MARCHF7: variants seen among roughly 807,000 people sequenced by gnomAD.
MARCHF7 encodes E3 ubiquitin-protein ligase MARCHF7.
MARCHF7 carries 20 observed loss-of-function variants against 76.5 expected under a neutral mutation model. That is an observed-to-expected ratio of 0.26 (90% CI 0.18 to 0.38). The LOEUF (loss-of-function observed/expected upper bound fraction) is 0.38, where lower values mean the gene tolerates loss of function less well. Ranked by LOEUF, MARCHF7 falls within the 10% of genes least tolerant of loss-of-function variation. MARCHF7 has a pLI of 1.00. For synonymous variants in MARCHF7, 295 were observed against 293.0 expected, an observed-to-expected ratio of 1.01 and a Z score of -0.07; for missense variants, 797 against 812.9, an observed-to-expected ratio of 0.98 and a Z score of 0.24.
At chr2:159,732,180 A>T (rs1168119098) in intron 4 of MARCHF7, among the ~76,000 whole-genome samples, 8 of 152,192 alleles carry the variant, frequency 5.3e-5, no homozygotes, top group Admixed American at 5.2e-4. Flanking sequence ...CACCTAAATG[A>T]TGGTTGTAGT....
At chr2:159,716,643 C>CAA (rs11367285) in intron 3 of MARCHF7, among the ~76,000 whole-genome samples, 1 of 147,644 alleles carries the variant, frequency 6.8e-6, no homozygotes. Context: ...ACCCTGTCTC[C>CAA]AAAAAAAAAA....
At chr2:159,722,173 G>A (rs1185968156) in intron 3 of MARCHF7, among the ~76,000 whole-genome samples, 1 of 151,780 alleles carries the variant, frequency 6.6e-6, no homozygotes, top group African/African-American at 2.4e-5. Flanking sequence ...GTCTTTCTCT[G>A]TTGCCCAGGC....
chr2:159,765,143 A>T (rs537765751), intron 11 of MARCHF7, among the ~76,000 whole-genome samples: 2 of 152,032 alleles, frequency 1.3e-5, no homozygotes, highest in African/African-American at 4.8e-5. Context: ...TTCTGAATCC[A>T]TATCAGAAGC....
rs1297354829 is a variant in MARCHF7 at position 159,770,846 on chromosome 2, TTGATAAGTGATACG to T, written c.*3508_*3521del. On this transcript the variant is annotated 3_prime_UTR_variant, in exon 12 of 12. Coordinates refer to ENST00000409175, the MANE Select transcript of MARCHF7 (RefSeq NM_001282805.2). Reference sequence around the variant, plus strand: ...ATGCATTTCTTAGAACGTATCCCCATTGATAAGTGATACGTGACTAATTTACGTGAAATTTATAC... The same window carrying T: ...ATGCATTTCTTAGAACGTATCCCCATTGACTAATTTACGTGAAATTTATAC... The T allele has an allele frequency of 6.6e-6, 1 of 152,134 alleles. No homozygotes were observed. The highest frequency in any genetic ancestry group is 1.5e-5 in the Non-Finnish European group (1 of 67,964). 9.4% of individuals were successfully genotyped at this position (152,134 alleles called of 1,614,324 possible). A position where few individuals can be genotyped will look rare whatever the true frequency, so the allele number is the denominator to read the frequency against.
At chr2:159,766,438 A>G (rs772832419) in intron 11 of MARCHF7, among the ~76,000 whole-genome samples, 3 of 152,202 alleles carry the variant, frequency 2.0e-5, no homozygotes, top group Non-Finnish European at 4.4e-5. Flanking sequence ...ATGTAAATAT[A>G]AAAAGAGAGG....
chr2:159,749,274 A>G (rs893644401), intron 7 of MARCHF7, among the ~76,000 whole-genome samples: 1 of 151,992 alleles, frequency 6.6e-6, no homozygotes, highest in Non-Finnish European at 1.5e-5. Context: ...CACTGTGCCC[A>G]GCCTAAAACT....
rs375026010 is a variant in MARCHF7, at chr2:159,748,523, G to A, written c.1233G>A (p.Arg411=). The part of the protein sequence containing the change: ...RRREGRDESS[R]IPTSDTSSRS... ...GAGAGGGAAGAGATGAATCTTCAAG[G>A]ATACCTACCTCTGATACATCATCTA... is the stretch of plus-strand genomic sequence containing the variant. The change falls in exon 7 of 12, where the codon AGG becomes AGA. Residue 411 remains arginine, a synonymous_variant. Transcript: ENST00000409175. 3 of 1,614,082 alleles carry A rather than the reference G, an allele frequency of 1.9e-6. No homozygotes were observed. The highest frequency in any genetic ancestry group is 2.5e-6 in the Non-Finnish European group (3 of 1,179,994).
Position 159,748,757 on chromosome 2 carries a change from T to C in MARCHF7, c.1467T>C (p.Pro489=), listed in dbSNP as rs1365803. 1,474,050 of 1,614,046 alleles carry C rather than the reference T, an allele frequency of 0.91. 674,078 individuals carry two copies. Among genetic ancestry groups the C allele is most frequent in the African/African-American group, 0.97 (72,404 of 75,010 alleles). ...LPGSLFRFAV[P]PALGSNLTDN... ...GTTCCTTATTCCGGTTTGCAGTCCC[T>C]CCAGCACTTGGGAGTAATTTGACCG... Residue 489 remains proline, a synonymous_variant, in exon 7 of 12, where the codon CCT becomes CCC. Coordinates refer to ENST00000409175, the MANE Select transcript of MARCHF7 (RefSeq NM_001282805.2).
Position 159,759,684 on chromosome 2 carries a change from T to G in MARCHF7, c.1893+349T>G, listed in dbSNP as rs1401312354. Among the ~76,000 whole-genome samples, 5 of 152,130 alleles carry G rather than the reference T, an allele frequency of 3.3e-5. No homozygotes were observed. In the East Asian group the frequency reaches 9.6e-4, roughly 29 times the overall value. ...GAAAATTCGGGAGGTGGGGCAGATGTGTATTTAAGGAGATTACAAGGGTGA... is the reference window on the plus strand; with the variant it reads ...GAAAATTCGGGAGGTGGGGCAGATGGGTATTTAAGGAGATTACAAGGGTGA... On this transcript the variant is annotated intron_variant, in intron 9 of 11. Coordinates refer to ENST00000409175, the MANE Select transcript of MARCHF7 (RefSeq NM_001282805.2).
intron 5 of MARCHF7, among the ~76,000 whole-genome samples, chr2:159,744,132 C>T (rs1246647450): frequency 6.0e-5 from 9 of 149,910 alleles, no homozygotes; most frequent in South Asian, 2.1e-4. Context: ...GGACTACAGG[C>T]GCCCGCCACT....
Position 159,743,053 on chromosome 2 carries a change from A to G in MARCHF7, c.154-8A>G. On this transcript the variant is annotated splice_region_variant and splice_polypyrimidine_tract_variant and intron_variant, in intron 4 of 11. Coordinates refer to ENST00000409175, the MANE Select transcript of MARCHF7 (RefSeq NM_001282805.2). ...TTTGTTGTTTAAAAAATTTTTTTGA[A>G]CTCACAGTCTACATCAGCATCAGCA... 1.2e-6 allele frequency: 2 copies of G among 1,600,158 alleles called. No homozygotes were observed. Among genetic ancestry groups the G allele is most frequent in the Non-Finnish European group, 1.7e-6 (2 of 1,172,884 alleles).
rs945542620 is a variant in MARCHF7, at chr2:159,748,756, C to T, written c.1466C>T (p.Pro489Leu). The change falls in exon 7 of 12, where the codon CCT becomes CTT. Residue 489 changes from proline (P) to leucine (L), a missense_variant. Coordinates refer to ENST00000409175, the MANE Select transcript of MARCHF7 (RefSeq NM_001282805.2). ...GGTTCCTTATTCCGGTTTGCAGTCCCTCCAGCACTTGGGAGTAATTTGACC... is the reference window on the plus strand; with the variant it reads ...GGTTCCTTATTCCGGTTTGCAGTCCTTCCAGCACTTGGGAGTAATTTGACC... ...LPGSLFRFAV[P>L]PALGSNLTDN... 6.2e-7 allele frequency: 1 copy of T among 1,613,878 alleles called. No homozygotes were observed. Among genetic ancestry groups the T allele is most frequent in the African/African-American group, 1.3e-5 (1 of 74,896 alleles).
chr2:159,740,311 T>C (rs1703981609), intron 4 of MARCHF7, among the ~76,000 whole-genome samples: 1 of 152,214 alleles, frequency 6.6e-6, no homozygotes, highest in African/African-American at 2.4e-5. Flanking sequence ...TTATGCAGTC[T>C]GTGCAAAATG....
chr2:159,767,308 A>G lies in MARCHF7; in HGVS notation c.2081A>G (p.Asp694Gly). ...LETSEDDSEE[D>G]GDHNRTFDIA ...GCTTCAGAGGATGATTCCGAAGAAG[A>G]CGGAGACCATAACAGGACATTTGAT... Residue 694 changes from aspartate (D) to glycine (G), a missense_variant, in exon 12 of 12, where the codon GAC becomes GGC. By Grantham distance (94) the Asp-to-Gly change is moderately conservative. Transcript: ENST00000409175. 1 of 1,611,866 alleles carries G rather than the reference A, an allele frequency of 6.2e-7. No individual in the cohort carries two copies. Among genetic ancestry groups the G allele is most frequent in the Non-Finnish European group, 8.5e-7 (1 of 1,178,512 alleles).
chr2:159,741,350 C>T (rs1184305407), intron 4 of MARCHF7, among the ~76,000 whole-genome samples: 2 of 150,122 alleles, frequency 1.3e-5, no homozygotes, highest in Non-Finnish European at 3.0e-5. Context: ...GATGCTGTCT[C>T]AAAAAAAAAC....
intron 5 of MARCHF7, among the ~76,000 whole-genome samples, chr2:159,743,994 TTTTTTTTTTTG>T (rs1342466365): frequency 1.4e-4 from 7 of 50,582 alleles, no homozygotes; most frequent in African/African-American, 4.1e-4. Context: ...TTTTTTTTTT[TTTTTTTTTTTG>T]GAGACGGAGT....
chr2:159,761,783 T>A (rs551286117), intron 9 of MARCHF7, among the ~76,000 whole-genome samples: 4 of 152,132 alleles, frequency 2.6e-5, no homozygotes, highest in Admixed American at 1.3e-4. Context: ...GAACATAGAG[T>A]TCTTAACGTC....
intron 4 of MARCHF7, among the ~76,000 whole-genome samples, chr2:159,734,983 A>G (rs185857171): frequency 4.3e-4 from 66 of 152,270 alleles, no homozygotes; most frequent in African/African-American, 1.4e-3. Context: ...CCCTGTCTCA[A>G]AAAGAAAAAG....
In MARCHF7 at chr2:159,769,733, G is replaced by A. The variant is rs1343630005; in HGVS notation, c.*2391G>A. 1 of 152,140 alleles carries A rather than the reference G, an allele frequency of 6.6e-6. No homozygotes were observed. Among genetic ancestry groups the A allele is most frequent in the African/African-American group, 2.4e-5 (1 of 41,436 alleles). 9.4% of individuals were successfully genotyped at this position (152,140 alleles called of 1,614,324 possible). ...ATTGAAAATTAAATCAGAGTTTAAA[G>A]CAGCTATTTTGGAAGAGCTGCCATT... On this transcript the variant is annotated 3_prime_UTR_variant, in exon 12 of 12. Transcript: ENST00000409175.
Sources: allele counts gnomAD v4.1 joint callset (sites outside exome capture counted in the v4.1 genomes callset), GRCh38; gene constraint gnomAD v4.1.1; transcripts MANE v1.5; gene names NCBI Gene and HGNC (gene_info 2026-07-23, HGNC 2026-07-21).